The following PLPP4 variants were observed in gnomAD, a reference collection of about 807,000 sequenced individuals.
PLPP4 encodes the protein diacylglycerol pyrophosphate like 2.
In PLPP4, 20 loss-of-function variants were observed where a neutral mutation model predicts 32.2. That is an observed-to-expected ratio of 0.62 (90% CI 0.44 to 0.90). The LOEUF (loss-of-function observed/expected upper bound fraction) is 0.90, where lower values mean the gene tolerates loss of function less well. PLPP4 is among the 40% of genes least tolerant of loss of function. The probability of loss-of-function intolerance (pLI) is 0.00; values close to 1 mark genes in which losing one functional copy is unlikely to be tolerated. For synonymous variants in PLPP4, 127 were observed against 133.0 expected, an observed-to-expected ratio of 0.95 and a Z score of 0.31; for missense variants, 257 against 353.1, an observed-to-expected ratio of 0.73 and a Z score of 2.18.
At position 120,591,592 on chromosome 10, in the gene PLPP4, A is replaced by G. The variant is rs577291810; in HGVS notation, c.*2090A>G. Among the ~76,000 whole-genome samples, 7 of 149,660 alleles carry G rather than the reference A, an allele frequency of 4.7e-5. No homozygotes were observed. Among genetic ancestry groups the G allele is most frequent in the Admixed American group, 2.0e-4 (3 of 14,882 alleles). On this transcript the variant is annotated 3_prime_UTR_variant, in exon 7 of 7. Transcript: ENST00000398250. ...AAAATAAAGCCCAAAATAGAAATGTAGGAAAAAGATCCTTTGCTACTGTTA... is the reference window on the plus strand; with the variant it reads ...AAAATAAAGCCCAAAATAGAAATGTGGGAAAAAGATCCTTTGCTACTGTTA...
intron 5 of PLPP4, among the ~76,000 whole-genome samples, chr10:120,524,103 C>G (rs1366994971): frequency 6.6e-6 from 1 of 152,136 alleles, no homozygotes; most frequent in Non-Finnish European, 1.5e-5. Flanking sequence ...AAAATGTTAC[C>G]CATTTTTACT....
chr10:120,582,316 T>A (rs1446211036), intron 6 of PLPP4, among the ~76,000 whole-genome samples: 2 of 152,214 alleles, frequency 1.3e-5, no homozygotes, highest in Non-Finnish European at 2.9e-5. Flanking sequence ...GATGTGCCTT[T>A]GCTGATGGCA....
At position 120,557,632 on chromosome 10, in the gene PLPP4, ATAGT is replaced by A. The variant is rs369245947; in HGVS notation, c.446-17495_446-17492del. ...GCTATGTAAAGCCTCCCTAATTATAATAGTTAGCATCTCCAAAAACCAAATTCAA... is the reference window on the plus strand; with the variant it reads ...GCTATGTAAAGCCTCCCTAATTATAATAGCATCTCCAAAAACCAAATTCAA... On this transcript the variant is annotated intron_variant, in intron 5 of 6. Transcript: ENST00000398250. Among the ~76,000 whole-genome samples, 783 of 152,296 alleles carry A rather than the reference ATAGT, an allele frequency of 5.1e-3. 10 individuals carry two copies. The highest frequency in any genetic ancestry group is 0.018 in the African/African-American group (733 of 41,558).
intron 6 of PLPP4, among the ~76,000 whole-genome samples, chr10:120,583,424 C>A (rs1245868694): frequency 6.6e-6 from 1 of 152,006 alleles, no homozygotes; most frequent in Non-Finnish European, 1.5e-5. Flanking sequence ...GGTGTCAATT[C>A]TCTCCTCTCT....
chr10:120,570,494 T>TA (rs1393442378), intron 5 of PLPP4, among the ~76,000 whole-genome samples: 1 of 152,112 alleles, frequency 6.6e-6, no homozygotes, highest in African/African-American at 2.4e-5. Flanking sequence ...TTAGCAAAAG[T>TA]AAAAAAATAC....
At chr10:120,490,861 T>G (rs1248571536) in intron 1 of PLPP4, among the ~76,000 whole-genome samples, 1 of 152,208 alleles carries the variant, frequency 6.6e-6, no homozygotes, top group Non-Finnish European at 1.5e-5. Flanking sequence ...GTCCCCTATT[T>G]AGGAAAACAC....
At chr10:120,552,891 C>A (rs570904771) in intron 5 of PLPP4, among the ~76,000 whole-genome samples, 1 of 152,268 alleles carries the variant, frequency 6.6e-6, no homozygotes, top group South Asian at 2.1e-4. Flanking sequence ...CAGGAGAAGG[C>A]CTTTGGAGGA....
intron 1 of PLPP4, among the ~76,000 whole-genome samples, chr10:120,465,206 A>G (rs1387447929): frequency 9.2e-5 from 14 of 152,242 alleles, no homozygotes; most frequent in Admixed American, 9.2e-4. Context: ...TTGCTGTTCT[A>G]TGTGGATGAA....
chr10:120,566,427 A>G (rs1848693459), intron 5 of PLPP4, among the ~76,000 whole-genome samples: 1 of 152,228 alleles, frequency 6.6e-6, no homozygotes, highest in Non-Finnish European at 1.5e-5. Context: ...TTGGATAGCA[A>G]AAACCTACGA....
intron 6 of PLPP4, chr10:120,587,242 T>C (rs2134089036): frequency 6.6e-6 from 1 of 152,322 alleles, no homozygotes; most frequent in South Asian, 2.1e-4. Flanking sequence ...CACAGGGGCT[T>C]GGCTGTTCTG....
In PLPP4 at chr10:120,513,889, G is replaced by A. The variant is rs1242539865; in HGVS notation, c.166-22G>A. On this transcript the variant is annotated intron_variant, in intron 2 of 6. Transcript: ENST00000398250. ...ATAGCAAACTGATGTCCTCATAAGG[G>A]ATTGTTTGTTATTTCTTCCAGGCAA... 1.9e-6 allele frequency: 3 copies of A among 1,581,194 alleles called. No homozygotes were observed. In the South Asian group the frequency reaches 3.3e-5, roughly 17 times the overall value.
intron 6 of PLPP4, among the ~76,000 whole-genome samples, chr10:120,585,314 A>G (rs1849701674): frequency 6.6e-6 from 1 of 152,208 alleles, no homozygotes; most frequent in Admixed American, 6.5e-5. Context: ...TTCACGGTAC[A>G]TATTGCTTTA....
At chr10:120,558,432 G>A (rs1251759847) in intron 5 of PLPP4, among the ~76,000 whole-genome samples, 10 of 135,430 alleles carry the variant, frequency 7.4e-5, no homozygotes, top group East Asian at 2.1e-4. Flanking sequence ...TTTTTGAGAC[G>A]GAATTTTGCT....
chr10:120,582,771 C>G (rs1463203299), intron 6 of PLPP4, among the ~76,000 whole-genome samples: 1 of 83,416 alleles, frequency 1.2e-5, no homozygotes, highest in African/African-American at 4.9e-5. Flanking sequence ...CCCTCCCTCC[C>G]TTCCTCCCTC....
At chr10:120,498,971 C>T (rs1845105945) in intron 1 of PLPP4, among the ~76,000 whole-genome samples, 1 of 152,166 alleles carries the variant, frequency 6.6e-6, no homozygotes, top group South Asian at 2.1e-4. Flanking sequence ...GAAAGGCTGT[C>T]ACAGTGAGAA....
chr10:120,539,386 G>A (rs1037050235), intron 5 of PLPP4, among the ~76,000 whole-genome samples: 1 of 152,232 alleles, frequency 6.6e-6, no homozygotes, highest in African/African-American at 2.4e-5. Context: ...AAGGTCTGGT[G>A]ATAATTGAAA....
chr10:120,490,730 G>T (rs911527412), intron 1 of PLPP4, among the ~76,000 whole-genome samples: 3 of 152,218 alleles, frequency 2.0e-5, no homozygotes, highest in African/African-American at 7.2e-5. Flanking sequence ...TTCTGCCAAG[G>T]ACTGGGGTGA....
At chr10:120,564,557 A>ATGGTGCCGGTATCC in intron 5 of PLPP4, among the ~76,000 whole-genome samples, 2 of 151,940 alleles carry the variant, frequency 1.3e-5, no homozygotes, top group African/African-American at 4.8e-5. Context: ...GTCAATAGCA[A>ATGGTGCCGGTATCC]AGATGTGAAT....
chr10:120,499,217 C>G (rs1208895410), intron 1 of PLPP4, among the ~76,000 whole-genome samples: 4 of 152,178 alleles, frequency 2.6e-5, no homozygotes, highest in Non-Finnish European at 1.5e-5. Context: ...TTGCAAGCTA[C>G]TAAGGCTGGC....
Sources: gnomAD v4.1 joint callset for allele counts (sites outside exome capture counted in the v4.1 genomes callset) on GRCh38, gnomAD v4.1.1 for gene constraint, MANE v1.5 for transcripts, NCBI Gene and HGNC (gene_info 2026-07-23, HGNC 2026-07-21) for gene names.